The following CSMD1 variants were observed in gnomAD, a reference collection of about 807,000 sequenced individuals.
The protein encoded by CSMD1 is CUB and sushi domain-containing protein 1.
In CSMD1, 213 loss-of-function variants were observed where a neutral mutation model predicts 417.5. The observed-to-expected ratio is 0.51, with a 90% CI of 0.46 to 0.57. The LOEUF is 0.57. Ranked by LOEUF, CSMD1 falls within the 20% of genes least tolerant of loss-of-function variation. The probability of loss-of-function intolerance (pLI) is 0.00; values close to 1 mark genes in which losing one functional copy is unlikely to be tolerated. For missense variants in CSMD1, 6,923 were observed against 4,529.7 expected, an observed-to-expected ratio of 1.53 and a Z score of -15.17; for synonymous variants, 2,862 against 1,736.8, an observed-to-expected ratio of 1.65 and a Z score of -16.11.
At chr8:3,816,947 C>T (rs544670660) in intron 5 of CSMD1, among the ~76,000 whole-genome samples, 2 of 152,082 alleles carry the variant, frequency 1.3e-5, no homozygotes, top group South Asian at 4.2e-4. Context: ...GGCAGCGAAT[C>T]AAGAGAAAGA....
At chr8:4,488,806 T>A (rs1801550339) in intron 2 of CSMD1, among the ~76,000 whole-genome samples, 1 of 152,170 alleles carries the variant, frequency 6.6e-6, no homozygotes. Flanking sequence ...TATGTCCATA[T>A]TTCCTCTCTG....
At chr8:4,537,492 G>C (rs540665554) in intron 2 of CSMD1, among the ~76,000 whole-genome samples, 43 of 152,198 alleles carry the variant, frequency 2.8e-4, no homozygotes, top group African/African-American at 1.0e-3. Context: ...ATATATTCCA[G>C]AATTTGGAAC....
intron 5 of CSMD1, among the ~76,000 whole-genome samples, chr8:3,869,460 A>T (rs971010985): frequency 2.1e-4 from 32 of 152,146 alleles, no homozygotes; most frequent in African/African-American, 7.5e-4. Flanking sequence ...GTCTCACCTT[A>T]GTTTTAACTT....
chr8:3,626,221 C>T (rs1251204032), intron 7 of CSMD1, among the ~76,000 whole-genome samples: 1 of 152,152 alleles, frequency 6.6e-6, no homozygotes, highest in East Asian at 1.9e-4. Flanking sequence ...GGGGAGAGCA[C>T]CGGCTTAGCT....
At chr8:4,429,069 A>G (rs1797724516) in intron 2 of CSMD1, among the ~76,000 whole-genome samples, 2 of 152,042 alleles carry the variant, frequency 1.3e-5, no homozygotes, top group African/African-American at 2.4e-5. Flanking sequence ...GTACAATACA[A>G]TGTCTCAGTA....
chr8:4,464,422 T>A (rs1800029735), intron 2 of CSMD1, among the ~76,000 whole-genome samples: 1 of 152,208 alleles, frequency 6.6e-6, no homozygotes, highest in African/African-American at 2.4e-5. Flanking sequence ...TAGCCTTGCC[T>A]ACCTTAAACA....
At chr8:4,252,672 T>G (rs181495841) in intron 3 of CSMD1, among the ~76,000 whole-genome samples, 1 of 152,338 alleles carries the variant, frequency 6.6e-6, no homozygotes, top group East Asian at 1.9e-4. Flanking sequence ...GGCTTTTATG[T>G]GGAGTTAACC....
intron 1 of CSMD1, among the ~76,000 whole-genome samples, chr8:4,916,245 C>T (rs1221270681): frequency 1.3e-5 from 2 of 152,262 alleles, no homozygotes; most frequent in Non-Finnish European, 2.9e-5. Context: ...AATAGAATTT[C>T]GGCACACTAC....
chr8:4,356,429 A>C (rs556718906), intron 3 of CSMD1, among the ~76,000 whole-genome samples: 7 of 152,222 alleles, frequency 4.6e-5, no homozygotes, highest in Non-Finnish European at 7.4e-5. Flanking sequence ...TGCTACTATA[A>C]ACATGCATGT....
At chr8:2,962,918 C>A (rs982927918) in intron 60 of CSMD1, among the ~76,000 whole-genome samples, 3 of 152,058 alleles carry the variant, frequency 2.0e-5, no homozygotes, top group African/African-American at 7.2e-5. Flanking sequence ...TTTGGTGGCA[C>A]ACACCTGTAG....
At chr8:4,785,921 C>A (rs983720634) in intron 1 of CSMD1, among the ~76,000 whole-genome samples, 1 of 152,126 alleles carries the variant, frequency 6.6e-6, no homozygotes, top group Admixed American at 6.5e-5. Flanking sequence ...AGACTGAACC[C>A]TCCTCAGTCA....
intron 10 of CSMD1, among the ~76,000 whole-genome samples, chr8:3,526,890 T>C (rs1797776036): frequency 6.6e-6 from 1 of 152,196 alleles, no homozygotes; most frequent in Non-Finnish European, 1.5e-5. Flanking sequence ...TGCTAGTAAT[T>C]CACATTCCTA....
rs537230074 is a variant in CSMD1 at position 4,189,523 on chromosome 8, A to G, written c.416-157424T>C. On this transcript the variant is annotated intron_variant, in intron 3 of 69. Coordinates refer to ENST00000635120, the MANE Select transcript of CSMD1 (RefSeq NM_033225.6). ...TTAATTGTATAAACATATATTAAAG[A>G]TCAATCAACTTTATGGTTACCATCA... 7.2e-5 allele frequency among the ~76,000 whole-genome samples: 11 copies of G among 152,302 alleles called. No individual in the cohort carries two copies. The South Asian group carries it at 2.1e-3, about 29-fold the overall frequency.
intron 3 of CSMD1, among the ~76,000 whole-genome samples, chr8:4,201,244 T>A (rs543429820): frequency 3.9e-5 from 6 of 151,988 alleles, no homozygotes; most frequent in Admixed American, 2.0e-4. Flanking sequence ...TGGTTGTAAG[T>A]AAAAAAATTC....
chr8:3,619,348 G>T (rs979469368), intron 7 of CSMD1, among the ~76,000 whole-genome samples: 2 of 151,334 alleles, frequency 1.3e-5, no homozygotes, highest in Non-Finnish European at 2.9e-5. Context: ...CTGCAAACAT[G>T]GAGCACGGTA....
chr8:4,485,576 T>C (rs1304864361), intron 2 of CSMD1, among the ~76,000 whole-genome samples: 3 of 152,126 alleles, frequency 2.0e-5, no homozygotes, highest in Non-Finnish European at 2.9e-5. Context: ...TTCTTGCCAC[T>C]TCTATCCATG....
intron 5 of CSMD1, among the ~76,000 whole-genome samples, chr8:3,925,797 A>G (rs1563217722): frequency 1.3e-5 from 2 of 152,062 alleles, no homozygotes; most frequent in South Asian, 4.1e-4. Context: ...AGTTTTGGGT[A>G]TGTCTTTATC....
chr8:3,977,576 C>T (rs11997340), intron 5 of CSMD1, among the ~76,000 whole-genome samples: 51,423 of 152,036 alleles, frequency 0.34, 9,787 homozygotes, highest in African/African-American at 0.52. Context: ...GACTCTGGCA[C>T]AAAGCCCCAT....
At chr8:4,062,244 G>T (rs1020918344) in intron 3 of CSMD1, among the ~76,000 whole-genome samples, 3 of 152,098 alleles carry the variant, frequency 2.0e-5, no homozygotes, top group African/African-American at 7.2e-5. Context: ...AATTTCCTCA[G>T]AGTCATCATG....
Sources: allele counts gnomAD v4.1 joint callset (sites outside exome capture counted in the v4.1 genomes callset), GRCh38; gene constraint gnomAD v4.1.1; transcripts MANE v1.5; gene names NCBI Gene and HGNC (gene_info 2026-07-23, HGNC 2026-07-21).